TMPRSS11F: variants seen among roughly 807,000 people sequenced by gnomAD.
The protein encoded by TMPRSS11F is transmembrane protease serine 11F.
TMPRSS11F carries 47 observed loss-of-function variants against 60.2 expected under a neutral mutation model. The observed-to-expected ratio is 0.78, with a 90% confidence interval of 0.62 to 1.00. The LOEUF is 1.00. Among genes scored for constraint, TMPRSS11F ranks in the 50% least tolerant of loss-of-function variants. TMPRSS11F has a pLI of 0.00. For synonymous variants in TMPRSS11F, 166 were observed against 167.3 expected, an observed-to-expected ratio of 0.99 and a Z score of 0.06; for missense variants, 519 against 522.9, an observed-to-expected ratio of 0.99 and a Z score of 0.07.
At chr4:68,107,808 T>C (rs1018220801) in intron 1 of TMPRSS11F, among the ~76,000 whole-genome samples, 2 of 152,050 alleles carry the variant, frequency 1.3e-5, no homozygotes, top group African/African-American at 4.8e-5. Flanking sequence ...GTGGTAGCAC[T>C]TGCCTGTAGT....
At chr4:68,055,268 T>C (rs1015762580) in intron 9 of TMPRSS11F, among the ~76,000 whole-genome samples, 4 of 152,180 alleles carry the variant, frequency 2.6e-5, no homozygotes, top group African/African-American at 9.7e-5. Flanking sequence ...GGTAAGCCAC[T>C]GAAGTGTTTC....
At chr4:68,061,337 T>G (rs1723169439) in intron 8 of TMPRSS11F, among the ~76,000 whole-genome samples, 1 of 152,220 alleles carries the variant, frequency 6.6e-6, no homozygotes, top group African/African-American at 2.4e-5. Flanking sequence ...CAAATTCAAC[T>G]TACATGAAAG....
At chr4:68,096,950 C>A (rs940235238) in intron 2 of TMPRSS11F, among the ~76,000 whole-genome samples, 34 of 152,120 alleles carry the variant, frequency 2.2e-4, no homozygotes, top group African/African-American at 8.2e-4. Context: ...ATTTCCTTTA[C>A]TGAATTCTTT....
At chr4:68,083,327 C>G (rs936773352) in intron 3 of TMPRSS11F, among the ~76,000 whole-genome samples, 2 of 152,068 alleles carry the variant, frequency 1.3e-5, no homozygotes, top group Admixed American at 1.3e-4. Flanking sequence ...TAAAGGGGGC[C>G]CCCTAAGGCA....
At chr4:68,066,699 G>A (rs1723335317) in intron 7 of TMPRSS11F, among the ~76,000 whole-genome samples, 1 of 152,208 alleles carries the variant, frequency 6.6e-6, no homozygotes, top group African/African-American at 2.4e-5. Flanking sequence ...ACTATGGGAG[G>A]CTGAGGCGGG....
At chr4:68,119,518 C>T (rs1724583205) in intron 1 of TMPRSS11F, among the ~76,000 whole-genome samples, 4 of 152,018 alleles carry the variant, frequency 2.6e-5, no homozygotes, top group Admixed American at 6.5e-5. Flanking sequence ...AGGTTGAAGC[C>T]GATGCTCCTT....
Position 68,064,746 on chromosome 4 carries a change from A to G in TMPRSS11F, c.954T>C (p.Ser318=), listed in dbSNP as rs1723286460. 6.2e-7 allele frequency: 1 copy of G among 1,614,088 alleles called. No homozygotes were observed. Among genetic ancestry groups the G allele is most frequent in the African/African-American group, 1.3e-5 (1 of 74,940 alleles). The change falls in exon 8 of 10, where the codon TCT becomes TCC. Residue 318 remains serine (S), a synonymous_variant. Transcript: ENST00000356291. ...CACTTGTTTTAGGTGGCAACTTTAT[A>G]GATGAGTCTGGGAGGCAAACTCTCT... ...IVQRVCLPDS[S]IKLPPKTSVF... is the part of the protein sequence containing the mutation.
intron 1 of TMPRSS11F, among the ~76,000 whole-genome samples, chr4:68,103,644 T>G (rs1169677611): frequency 6.6e-6 from 1 of 152,138 alleles, no homozygotes; most frequent in African/African-American, 2.4e-5. Context: ...ACTCAAGGTC[T>G]TTTATGGCTC....
At chr4:68,080,663 T>A (rs1171987758) in intron 3 of TMPRSS11F, 3 of 152,238 alleles carry the variant, frequency 2.0e-5, no homozygotes, top group Non-Finnish European at 4.4e-5. Context: ...TGAGGCTACA[T>A]TTGTGAAACT....
intron 7 of TMPRSS11F, among the ~76,000 whole-genome samples, chr4:68,065,371 T>C (rs1723304203): frequency 6.6e-6 from 1 of 152,214 alleles, no homozygotes. Flanking sequence ...AAGCGTAATT[T>C]GTCTGCTTTG....
chr4:68,061,030 AAG>A lies in TMPRSS11F; in HGVS notation c.1016-1564_1016-1563del, dbSNP rs531757940. Among the ~76,000 whole-genome samples the A allele has an allele frequency of 2.0e-3, 294 of 150,412 alleles. 3 individuals are homozygous for A. Among genetic ancestry groups the A allele is most frequent in the African/African-American group, 6.8e-3 (280 of 41,406 alleles). Reference sequence around the variant, plus strand: ...TGAACTAGAAATGAGAAGGAGAAAAAAGAAACTATTTTTAATATATATAAAAC... The same window carrying A: ...TGAACTAGAAATGAGAAGGAGAAAAAAAACTATTTTTAATATATATAAAAC... On this transcript the variant is annotated intron_variant, in intron 8 of 9. Coordinates refer to ENST00000356291, the MANE Select transcript of TMPRSS11F (RefSeq NM_207407.2).
At chr4:68,066,156 C>T (rs1200985367) in intron 7 of TMPRSS11F, among the ~76,000 whole-genome samples, 1 of 148,218 alleles carries the variant, frequency 6.7e-6, no homozygotes, top group Non-Finnish European at 1.5e-5. Flanking sequence ...GGGAGGGGTT[C>T]TGCTCTCATC....
intron 1 of TMPRSS11F, among the ~76,000 whole-genome samples, chr4:68,124,846 T>G (rs561675015): frequency 2.0e-5 from 3 of 152,104 alleles, no homozygotes; most frequent in Non-Finnish European, 4.4e-5. Context: ...TTTGTTTTTC[T>G]ATTTTCAGAA....
chr4:68,093,011 T>C (rs181177801), intron 2 of TMPRSS11F, among the ~76,000 whole-genome samples: 38 of 152,330 alleles, frequency 2.5e-4, no homozygotes, highest in African/African-American at 8.2e-4. Flanking sequence ...GAATTGTCCT[T>C]ATATGCAGAG....
chr4:68,062,873 C>G (rs1359543631), intron 8 of TMPRSS11F: 1 of 780,464 alleles, frequency 1.3e-6, no homozygotes, highest in Non-Finnish European at 2.3e-6. Flanking sequence ...GTTTGCTGCC[C>G]AATTTTTTAA....
At chr4:68,118,430 CA>C (rs1413549851) in intron 1 of TMPRSS11F, among the ~76,000 whole-genome samples, 1 of 151,952 alleles carries the variant, frequency 6.6e-6, no homozygotes, top group African/African-American at 2.4e-5. Flanking sequence ...TACACGTATA[CA>C]AAAACATTTT....
intron 1 of TMPRSS11F, among the ~76,000 whole-genome samples, chr4:68,117,812 GTAGT>G (rs1456279443): frequency 3.3e-5 from 5 of 152,248 alleles, no homozygotes; most frequent in African/African-American, 1.2e-4. Flanking sequence ...TCACACCCAG[GTAGT>G]TAGTCTCAAT....
In TMPRSS11F at chr4:68,067,628, A is replaced by C. The variant is rs146775848; in HGVS notation, c.755+990T>G. 7.6e-3 allele frequency among the ~76,000 whole-genome samples: 1,156 copies of C among 152,386 alleles called. 9 individuals are homozygous for C. Among genetic ancestry groups the C allele is most frequent in the Non-Finnish European group, 0.011 (722 of 68,036 alleles). The stretch of plus-strand genomic sequence containing the variant: ...AAGTGAGTGGGACTCAAATTTGCCC[A>C]TAAGGCATAATGCCAGTTATTTCGG... On this transcript the variant is annotated intron_variant, in intron 7 of 9. Transcript: ENST00000356291.
chr4:68,065,537 A>ACATAGATGCTTTTCTCTCC (rs1288337326), intron 7 of TMPRSS11F, among the ~76,000 whole-genome samples: 43 of 152,118 alleles, frequency 2.8e-4, no homozygotes, highest in Non-Finnish European at 3.1e-4. Flanking sequence ...TTCTCCTTTC[A>ACATAGATGCTTTTCTCTCC]CATAGATGCT....
Sources: gnomAD v4.1 joint callset for allele counts (sites outside exome capture counted in the v4.1 genomes callset) on GRCh38, gnomAD v4.1.1 for gene constraint, MANE v1.5 for transcripts, NCBI Gene and HGNC (gene_info 2026-07-23, HGNC 2026-07-21) for gene names.